THUMPD2: variants seen among roughly 807,000 people sequenced by gnomAD.
THUMPD2 encodes U6 snRNA (guanine-N(2))-methyltransferase THUMPD2.
THUMPD2 carries 56 observed loss-of-function variants against 49.4 expected under a neutral mutation model. That is an observed-to-expected ratio of 1.13 (90% CI 0.91 to 1.41). The LOEUF is 1.41. Among genes scored for constraint, THUMPD2 ranks in the 40% most tolerant of loss-of-function variants. THUMPD2 has a pLI of 0.00. For missense variants in THUMPD2, 709 were observed against 594.5 expected (o/e 1.19, Z -2.00); for synonymous variants, 237 against 205.2 (o/e 1.15, Z -1.32).
At chr2:39,753,354 T>G (rs1291410187) in intron 8 of THUMPD2, among the ~76,000 whole-genome samples, 1 of 152,112 alleles carries the variant, frequency 6.6e-6, no homozygotes, top group Non-Finnish European at 1.5e-5. Flanking sequence ...ATTTTTACTC[T>G]CTTACATCAC....
chr2:39,740,263 T>C (rs1431211986), intron 9 of THUMPD2, among the ~76,000 whole-genome samples: 2 of 152,216 alleles, frequency 1.3e-5, no homozygotes, highest in Non-Finnish European at 1.5e-5. Context: ...TATTCATCCA[T>C]AAGCACTGGT....
intron 1 of THUMPD2, 76 bp downstream of exon 1, chr2:39,779,038 C>G: frequency 7.4e-7 from 1 of 1,357,002 alleles, no homozygotes; most frequent in East Asian, 3.1e-5. Context: ...CGCTTTCCCG[C>G]GTCCACGACT....
At chr2:39,769,088 C>G (rs1203544845) in intron 3 of THUMPD2, 1 of 1,304,038 alleles carries the variant, frequency 7.7e-7, no homozygotes, top group Non-Finnish European at 1.0e-6. Context: ...ATCCCATGTA[C>G]AGGACCTGTG....
At chr2:39,755,155 G>A (rs1206250590) in intron 8 of THUMPD2, 140 bp downstream of exon 8, 2 of 494,936 alleles carry the variant, frequency 4.0e-6, no homozygotes, top group Non-Finnish European at 7.1e-6. Context: ...TAGACTATTA[G>A]AAGTAAACTG....
At chr2:39,740,593 C>T (rs1019417420) in intron 9 of THUMPD2, among the ~76,000 whole-genome samples, 2 of 152,142 alleles carry the variant, frequency 1.3e-5, no homozygotes, top group African/African-American at 4.8e-5. Flanking sequence ...TTTCCATGAT[C>T]ATACGCACAT....
In THUMPD2 at chr2:39,750,241, C is replaced by T. The variant is rs143128658; in HGVS notation, c.1078+5054G>A. On this transcript the variant is annotated intron_variant, in intron 8 of 9. Transcript: ENST00000505747. The stretch of plus-strand genomic sequence containing the variant: ...CGGTGTAAAGGCGTTCCCTTTTATC[C>T]ACAACCTCACCACCATCTGTTGTTT... Among the ~76,000 whole-genome samples the T allele has an allele frequency of 6.0e-3, 915 of 152,274 alleles. 1 individual carries two copies. Among genetic ancestry groups the T allele is most frequent in the Non-Finnish European group, 0.01 (684 of 68,026 alleles).
intron 8 of THUMPD2, among the ~76,000 whole-genome samples, chr2:39,746,807 T>C (rs1489774682): frequency 6.6e-6 from 1 of 152,188 alleles, no homozygotes; most frequent in African/African-American, 2.4e-5. Flanking sequence ...TTCATGCATA[T>C]ATTTAAACTA....
rs540254876 is a variant in THUMPD2, at chr2:39,741,426, T to C, written c.1187+2944A>G. 8.5e-5 allele frequency among the ~76,000 whole-genome samples: 13 copies of C among 152,316 alleles called. No homozygotes were observed. The East Asian group carries it at 2.3e-3, about 27-fold the overall frequency. On this transcript the variant is annotated intron_variant, in intron 9 of 9. Transcript: ENST00000505747. ...TGTGGTCTCCTTTTCAATTCTGTCT[T>C]CACTTCCAAATTTCACTGAAATCTG...
chr2:39,751,564 G>C (rs936776262), intron 8 of THUMPD2, among the ~76,000 whole-genome samples: 2 of 151,754 alleles, frequency 1.3e-5, no homozygotes, highest in Non-Finnish European at 2.9e-5. Context: ...ATTTAAAAAA[G>C]CCTAACTAAT....
chr2:39,748,562 C>T (rs567090842), intron 8 of THUMPD2, among the ~76,000 whole-genome samples: 60 of 152,186 alleles, frequency 3.9e-4, no homozygotes, highest in African/African-American at 1.4e-3. Flanking sequence ...GTAGCATGCG[C>T]CTGTAGTCCC....
At chr2:39,763,448 C>G (rs1179450422) in intron 5 of THUMPD2, among the ~76,000 whole-genome samples, 1 of 152,120 alleles carries the variant, frequency 6.6e-6, no homozygotes, top group African/African-American at 2.4e-5. Context: ...GTCACCTGAA[C>G]TCTAGATCTG....
At chr2:39,752,557 G>A (rs1358897531) in intron 8 of THUMPD2, among the ~76,000 whole-genome samples, 1 of 152,074 alleles carries the variant, frequency 6.6e-6, no homozygotes, top group African/African-American at 2.4e-5. Flanking sequence ...GCAATAAAGG[G>A]CTAATTATTA....
At chr2:39,742,186 A>G (rs1276817137) in intron 9 of THUMPD2, among the ~76,000 whole-genome samples, 1 of 152,192 alleles carries the variant, frequency 6.6e-6, no homozygotes, top group Non-Finnish European at 1.5e-5. Flanking sequence ...ATAAAACTTC[A>G]AACCATAAAA....
intron 1 of THUMPD2, among the ~76,000 whole-genome samples, chr2:39,778,205 CATATT>C (rs1338137433): frequency 2.6e-5 from 4 of 152,200 alleles, no homozygotes; most frequent in Non-Finnish European, 5.9e-5. Context: ...GTGCCTGACA[CATATT>C]AAATGTTCAA....
chr2:39,741,224 G>A (rs1266649092), intron 9 of THUMPD2, among the ~76,000 whole-genome samples: 1 of 152,104 alleles, frequency 6.6e-6, no homozygotes, highest in Non-Finnish European at 1.5e-5. Context: ...GAAAAACTAG[G>A]AGTAGATGGT....
At chr2:39,773,766 A>G (rs1426924353) in intron 1 of THUMPD2, among the ~76,000 whole-genome samples, 1 of 151,898 alleles carries the variant, frequency 6.6e-6, no homozygotes, top group African/African-American at 2.4e-5. Flanking sequence ...TAAAATGCCA[A>G]ATACATTCTT....
chr2:39,744,355 A>C lies in THUMPD2; in HGVS notation c.1187+15T>G. ...AGTAGCTAAAAAAATTATGAAAATA[A>C]ATTCAACAACTTACCTTTCCATTTC... On this transcript the variant is annotated intron_variant, in intron 9 of 9. Transcript: ENST00000505747. 1 of 1,491,770 alleles carries C rather than the reference A, an allele frequency of 6.7e-7. No homozygotes were observed. The highest frequency in any genetic ancestry group is 1.4e-5 in the African/African-American group (1 of 69,390). The allele number at this position is 1,491,770 out of a possible 1,614,324, so 92.4% of individuals were successfully genotyped here. A position where few individuals can be genotyped will look rare whatever the true frequency, so the allele number is the denominator to read the frequency against.
intron 8 of THUMPD2, among the ~76,000 whole-genome samples, chr2:39,744,899 G>A (rs976874345): frequency 3.9e-5 from 6 of 152,024 alleles, no homozygotes; most frequent in Admixed American, 6.5e-5. Context: ...AGGATCCATA[G>A]CTATCATTGT....
intron 8 of THUMPD2, among the ~76,000 whole-genome samples, chr2:39,752,101 T>C (rs748792477): frequency 1.3e-5 from 2 of 152,240 alleles, no homozygotes; most frequent in Admixed American, 1.3e-4. Context: ...TGTGATTTTA[T>C]AGAAATGTAA....
Sources: gnomAD v4.1 joint callset for allele counts (sites outside exome capture counted in the v4.1 genomes callset) on GRCh38, gnomAD v4.1.1 for gene constraint, MANE v1.5 for transcripts, NCBI Gene and HGNC (gene_info 2026-07-23, HGNC 2026-07-21) for gene names.